The following TEAD1 variants were observed in gnomAD, a reference collection of about 807,000 sequenced individuals.
The protein encoded by TEAD1 is transcriptional enhancer factor TEF-1.
TEAD1 carries 9 observed loss-of-function variants against 54.9 expected under a neutral mutation model. That is an observed-to-expected ratio of 0.16 (90% CI 0.10 to 0.29). The LOEUF is 0.29. Among genes scored for constraint, TEAD1 ranks in the 10% least tolerant of loss-of-function variants. TEAD1 has a pLI of 1.00. For synonymous variants in TEAD1, 200 were observed against 187.8 expected (o/e 1.07, Z -0.53); for missense variants, 387 against 535.9 (o/e 0.72, Z 2.74).
intron 5 of TEAD1, among the ~76,000 whole-genome samples, chr11:12,875,024 A>G (rs1279358632): frequency 6.6e-6 from 1 of 152,194 alleles, no homozygotes; most frequent in East Asian, 1.9e-4. Flanking sequence ...ATACACACTC[A>G]GAATATTTCC....
intron 2 of TEAD1, among the ~76,000 whole-genome samples, chr11:12,711,800 A>T (rs891294974): frequency 5.3e-5 from 8 of 152,240 alleles, no homozygotes; most frequent in Non-Finnish European, 1.0e-4. Context: ...ACAAGTTAAC[A>T]GCTGTAGCAA....
chr11:12,871,936 A>C (rs1383983527), intron 5 of TEAD1, among the ~76,000 whole-genome samples: 2 of 152,128 alleles, frequency 1.3e-5, no homozygotes, highest in Non-Finnish European at 2.9e-5. Flanking sequence ...AAGAGACCTG[A>C]GCCCCTCTGA....
At chr11:12,709,294 C>T (rs1488010120) in intron 2 of TEAD1, among the ~76,000 whole-genome samples, 3 of 151,636 alleles carry the variant, frequency 2.0e-5, no homozygotes, top group Admixed American at 6.6e-5. Context: ...GCTGAGATTG[C>T]ACCACTGCAC....
At chr11:12,860,514 C>G (rs1947478391) in intron 3 of TEAD1, among the ~76,000 whole-genome samples, 1 of 152,176 alleles carries the variant, frequency 6.6e-6, no homozygotes, top group African/African-American at 2.4e-5. Flanking sequence ...AATTCTCAGA[C>G]AAGATTTCCC....
At position 12,923,251 on chromosome 11, in the gene TEAD1, T is replaced by C. The variant is rs77474041; in HGVS notation, c.874-1661T>C. On this transcript the variant is annotated intron_variant, in intron 10 of 12. Transcript: ENST00000527636. ...TCCAGCTCTCCTGCCATCCTCTCTCTCTTGCTTTCTCTTTAGCGCTTCTTT... is the reference window on the plus strand; with the variant it reads ...TCCAGCTCTCCTGCCATCCTCTCTCCCTTGCTTTCTCTTTAGCGCTTCTTT... Among the ~76,000 whole-genome samples the C allele has an allele frequency of 1.8e-3, 273 of 152,288 alleles. 4 individuals are homozygous for C. The East Asian group carries it at 0.046, about 26-fold the overall frequency.
chr11:12,850,584 A>G (rs1947253955), intron 3 of TEAD1, among the ~76,000 whole-genome samples: 1 of 152,220 alleles, frequency 6.6e-6, no homozygotes, highest in Non-Finnish European at 1.5e-5. Context: ...AAGTTGAGCA[A>G]GTTTCCCAAG....
At chr11:12,775,499 C>G (rs770400973) in intron 3 of TEAD1, among the ~76,000 whole-genome samples, 4 of 152,126 alleles carry the variant, frequency 2.6e-5, no homozygotes. Flanking sequence ...GAAAGCGTGT[C>G]TCTGATTTAT....
At chr11:12,840,954 T>G (rs1015698336) in intron 3 of TEAD1, among the ~76,000 whole-genome samples, 2 of 152,184 alleles carry the variant, frequency 1.3e-5, no homozygotes, top group Non-Finnish European at 2.9e-5. Context: ...GTCTGAAAAT[T>G]GAAATGGAAT....
chr11:12,885,672 C>T (rs1333190349), intron 9 of TEAD1, among the ~76,000 whole-genome samples: 1 of 152,114 alleles, frequency 6.6e-6, no homozygotes, highest in African/African-American at 2.4e-5. Context: ...GGTTAAAATA[C>T]TATGGAATCA....
chr11:12,857,576 C>CTGTGTGTG (rs1461148875), intron 3 of TEAD1, among the ~76,000 whole-genome samples: 3 of 67,928 alleles, frequency 4.4e-5, no homozygotes, highest in Non-Finnish European at 8.3e-5. Flanking sequence ...CTCTCTCTGT[C>CTGTGTGTG]TCTGTGTGTG....
chr11:12,822,656 C>T (rs1228195630), intron 3 of TEAD1: 1 of 152,262 alleles, frequency 6.6e-6, no homozygotes, highest in Non-Finnish European at 1.5e-5. Flanking sequence ...TCATGCACTC[C>T]TATAAGCTAA....
chr11:12,805,884 T>A (rs1466703927), intron 3 of TEAD1, among the ~76,000 whole-genome samples: 1 of 152,200 alleles, frequency 6.6e-6, no homozygotes, highest in African/African-American at 2.4e-5. Context: ...TTTTATGATG[T>A]TTCTTTTATT....
intron 3 of TEAD1, among the ~76,000 whole-genome samples, chr11:12,853,739 G>A (rs554470805): frequency 2.6e-5 from 4 of 152,232 alleles, no homozygotes; most frequent in Non-Finnish European, 4.4e-5. Flanking sequence ...GTTTGTAAGC[G>A]GTTCCTCTAA....
chr11:12,807,138 C>CT (rs34852510), intron 3 of TEAD1, among the ~76,000 whole-genome samples: 1 of 152,140 alleles, frequency 6.6e-6, no homozygotes, highest in East Asian at 1.9e-4. Flanking sequence ...AAAGCTCTCC[C>CT]TTTTTGCAAA....
intron 2 of TEAD1, among the ~76,000 whole-genome samples, chr11:12,695,626 A>T (rs1011822865): frequency 1.5e-4 from 23 of 152,372 alleles, no homozygotes; most frequent in Admixed American, 5.9e-4. Flanking sequence ...CACAGAGCAC[A>T]GCCCATGATC....
Position 12,862,231 on chromosome 11 carries a change from A to G in TEAD1, c.203-19A>G, listed in dbSNP as rs1202226372. On this transcript the variant is annotated intron_variant, in intron 3 of 12. Transcript: ENST00000527636. ...GTGTTTTGGTAACCCACCTCATGGT[A>G]AATTCTTCTTTCTTTCAGGTAGGAA... 1 of 1,611,654 alleles carries G rather than the reference A, an allele frequency of 6.2e-7. No individual in the cohort carries two copies. Among genetic ancestry groups the G allele is most frequent in the Non-Finnish European group, 8.5e-7 (1 of 1,177,956 alleles).
chr11:12,878,600 G>A (rs1476651798), intron 5 of TEAD1, among the ~76,000 whole-genome samples: 1 of 151,284 alleles, frequency 6.6e-6, no homozygotes, highest in African/African-American at 2.4e-5. Flanking sequence ...TCCTGGGGAA[G>A]CCACAGAACC....
intron 5 of TEAD1, chr11:12,865,220 A>G: frequency 5.4e-6 from 2 of 367,154 alleles, no homozygotes; most frequent in Non-Finnish European, 5.1e-6. Flanking sequence ...TTTAACCTTC[A>G]GATGTCCACC....
At chr11:12,917,602 C>T (rs529129076) in intron 10 of TEAD1, among the ~76,000 whole-genome samples, 82 of 152,232 alleles carry the variant, frequency 5.4e-4, no homozygotes, top group African/African-American at 1.9e-3. Flanking sequence ...AAGTGGCCAG[C>T]GTGCCTGGCC....
Sources: gnomAD v4.1 joint callset for allele counts (sites outside exome capture counted in the v4.1 genomes callset) on GRCh38, gnomAD v4.1.1 for gene constraint, MANE v1.5 for transcripts, NCBI Gene and HGNC (gene_info 2026-07-23, HGNC 2026-07-21) for gene names.